RYR2: variants seen among roughly 807,000 people sequenced by gnomAD.
RYR2 encodes ryanodine receptor 2, also known as cardiac muscle ryanodine receptor-calcium release channel.
RYR2 carries 227 observed loss-of-function variants against 601.1 expected under a neutral mutation model. The ratio of observed to expected loss-of-function variants is 0.38; its 90% CI spans 0.34 to 0.42. The LOEUF is 0.42. RYR2 is among the 10% of genes least tolerant of loss of function. RYR2 has a pLI of 1.00. For synonymous variants in RYR2, 2,223 were observed against 2,175.1 expected, an observed-to-expected ratio of 1.02 and a Z score of -0.61; for missense variants, 4,646 against 6,156.5, an observed-to-expected ratio of 0.75 and a Z score of 8.21.
intron 1 of RYR2, among the ~76,000 whole-genome samples, chr1:237,083,702 T>C (rs61425842): frequency 0.17 from 25,414 of 152,050 alleles, 3,159 homozygotes; most frequent in African/African-American, 0.35. Flanking sequence ...CCTCTATTTC[T>C]CTGCCCCAAA....
intron 1 of RYR2, among the ~76,000 whole-genome samples, chr1:237,123,458 C>A (rs1276287795): frequency 6.6e-6 from 1 of 151,726 alleles, no homozygotes; most frequent in Non-Finnish European, 1.5e-5. Context: ...TGTGGTGGTG[C>A]GTGTCTGTAG....
intron 1 of RYR2, among the ~76,000 whole-genome samples, chr1:237,161,866 A>G (rs961082893): frequency 1.3e-5 from 2 of 152,218 alleles, no homozygotes; most frequent in East Asian, 1.9e-4. Flanking sequence ...CAGGTTTCAA[A>G]TAAAAGTCTA....
rs148023878 is a variant in RYR2, at chr1:237,283,340, C to A, written c.168+12724C>A. ...CTTTTTCTCTTTTTCTTCCTCCCTC[C>A]CACGCTCCTCTCTTTCAAGCAAAAT... is the stretch of plus-strand genomic sequence containing the variant. On this transcript the variant is annotated intron_variant, in intron 2 of 104. Coordinates refer to ENST00000366574, the MANE Select transcript of RYR2 (RefSeq NM_001035.3). 5.9e-5 allele frequency among the ~76,000 whole-genome samples: 9 copies of A among 152,196 alleles called. No individual in the cohort carries two copies. The East Asian group carries it at 1.5e-3, about 26-fold the overall frequency.
At chr1:237,406,337 T>G (rs1159440987) in intron 10 of RYR2, among the ~76,000 whole-genome samples, 1 of 151,220 alleles carries the variant, frequency 6.6e-6, no homozygotes, top group Non-Finnish European at 1.5e-5. Context: ...ATACAGGAAC[T>G]TTGGTGTTTT....
chr1:237,405,252 G>T (rs12047277), intron 10 of RYR2, among the ~76,000 whole-genome samples: 51,492 of 152,060 alleles, frequency 0.34, 9,519 homozygotes, highest in East Asian at 0.42. Flanking sequence ...GGATGCAACT[G>T]CCAGTGATGT....
rs1171107020 is a variant in RYR2 at position 237,436,451 on chromosome 1, T to A, written c.1006-4868T>A. ...AGAAGCCGAGGGATAATGTGTGATTTTCCTTTTTTTTTTTTTTTTTTTTTT... is the reference window on the plus strand; with the variant it reads ...AGAAGCCGAGGGATAATGTGTGATTATCCTTTTTTTTTTTTTTTTTTTTTT... On this transcript the variant is annotated intron_variant, in intron 12 of 104. Transcript: ENST00000366574. Among the ~76,000 whole-genome samples, 2 of 130,120 alleles carry A rather than the reference T, an allele frequency of 1.5e-5. 1 individual carries two copies. The highest frequency in any genetic ancestry group is 4.6e-4 in the East Asian group (2 of 4,372). 85.4% of individuals were successfully genotyped at this position (130,120 alleles called of 152,430 possible).
In RYR2 at chr1:237,536,903, A is replaced by G. The variant is rs569516364; in HGVS notation, c.2906+6393A>G. 3.1e-4 allele frequency among the ~76,000 whole-genome samples: 47 copies of G among 152,118 alleles called. 1 individual carries two copies. The South Asian group carries it at 8.7e-3, about 28-fold the overall frequency. Reference sequence around the variant, plus strand: ...TCCATCTCAAAAAAAAAAGACTTGCAGAACAATATCAAGAACTCCTAAAAA... The same window carrying G: ...TCCATCTCAAAAAAAAAAGACTTGCGGAACAATATCAAGAACTCCTAAAAA... On this transcript the variant is annotated intron_variant, in intron 25 of 104. Coordinates refer to ENST00000366574, the MANE Select transcript of RYR2 (RefSeq NM_001035.3).
chr1:237,506,162 C>CT (rs35038087), intron 22 of RYR2, among the ~76,000 whole-genome samples: 40 of 142,316 alleles, frequency 2.8e-4, no homozygotes, highest in East Asian at 8.1e-4. Flanking sequence ...ACCAACACTC[C>CT]TTTTTTTTTT....
At chr1:237,479,541 T>C (rs1377037116) in intron 17 of RYR2, among the ~76,000 whole-genome samples, 2 of 152,060 alleles carry the variant, frequency 1.3e-5, no homozygotes, top group Non-Finnish European at 2.9e-5. Flanking sequence ...TCAATAAATA[T>C]TTGCTGCTTT....
intron 5 of RYR2, among the ~76,000 whole-genome samples, chr1:237,368,482 C>G (rs1008947148): frequency 3.2e-4 from 49 of 152,180 alleles, no homozygotes; most frequent in African/African-American, 1.2e-3. Flanking sequence ...GAAGATGAGG[C>G]TAGAGATGAG....
chr1:237,493,017 C>T lies in RYR2; in HGVS notation c.1891C>T (p.Leu631Phe), dbSNP rs1663586686. The T allele has an allele frequency of 6.2e-7, 1 of 1,612,386 alleles. No individual in the cohort carries two copies. The highest frequency in any genetic ancestry group is 8.5e-7 in the Non-Finnish European group (1 of 1,179,258). Residue 631 changes from leucine (L) to phenylalanine (F), a missense_variant, in exon 19 of 105, where the codon CTC becomes TTC. Coordinates refer to ENST00000366574, the MANE Select transcript of RYR2 (RefSeq NM_001035.3). ...GGTTGCAGTCCGTTCTAACCAGCATCTCATCTGTGACAATCTCCTACCAGG... is the reference window on the plus strand; with the variant it reads ...GGTTGCAGTCCGTTCTAACCAGCATTTCATCTGTGACAATCTCCTACCAGG... ...HGVAVRSNQH[L>F]ICDNLLPGRD...
chr1:237,688,397 C>T (rs565297712), intron 63 of RYR2, among the ~76,000 whole-genome samples: 44 of 151,632 alleles, frequency 2.9e-4, no homozygotes, highest in Admixed American at 9.9e-4. Context: ...AACTGAGGAA[C>T]GGGTATATAT....
Position 237,589,819 on chromosome 1 carries a change from G to A in RYR2, c.3625G>A (p.Val1209Met), listed in dbSNP as rs794728733. 1.2e-6 allele frequency: 2 copies of A among 1,613,808 alleles called. No individual in the cohort carries two copies. The highest frequency in any genetic ancestry group is 1.7e-6 in the Non-Finnish European group (2 of 1,179,846). ...DGFIPVCSLG[V>M]AQVGRMNFGK... is the part of the protein sequence containing the mutation. ...ATTCATACCTGTGTGTAGCCTTGGA[G>A]TGGCTCAAGTGGGTAGGATGAACTT... The change falls in exon 30 of 105, where the codon GTG becomes ATG. Residue 1209 changes from valine to methionine, a missense_variant. Val to Met is a conservative substitution (Grantham distance 21, BLOSUM62 1). Transcript: ENST00000366574.
intron 8 of RYR2, among the ~76,000 whole-genome samples, chr1:237,379,639 T>C (rs568163866): frequency 6.6e-6 from 1 of 152,208 alleles, no homozygotes; most frequent in Non-Finnish European, 1.5e-5. Context: ...TTTATTTTAT[T>C]TATTTTTTGA....
At chr1:237,448,758 T>C (rs1430581893) in intron 14 of RYR2, among the ~76,000 whole-genome samples, 1 of 152,108 alleles carries the variant, frequency 6.6e-6, no homozygotes, top group African/African-American at 2.4e-5. Context: ...TAATATTCTT[T>C]TCTATGACAT....
chr1:237,291,181 A>C (rs1163893888), intron 2 of RYR2, among the ~76,000 whole-genome samples: 1 of 152,144 alleles, frequency 6.6e-6, no homozygotes, highest in Non-Finnish European at 1.5e-5. Context: ...TCATGAAAAC[A>C]TGCACATACG....
At chr1:237,089,385 T>C (rs1326512984) in intron 1 of RYR2, among the ~76,000 whole-genome samples, 2 of 152,244 alleles carry the variant, frequency 1.3e-5, no homozygotes, top group African/African-American at 4.8e-5. Flanking sequence ...TATACTGTTT[T>C]ATTCCTTTTG....
rs760283753 is a variant in RYR2 at position 237,792,138 on chromosome 1, C to T, written c.13597C>T (p.Leu4533Phe). Reference sequence around the variant, plus strand: ...TTCTTCTGTGGTTGAAGGAAAGGAGCTCCCCACGAGAAGTTCAAGTGAAAA... The same window carrying T: ...TTCTTCTGTGGTTGAAGGAAAGGAGTTCCCCACGAGAAGTTCAAGTGAAAA... ...STSSVVEGKELPTRSSSENAK... is the reference protein window; with the variant it reads ...STSSVVEGKEFPTRSSSENAK... The change falls in exon 94 of 105, where the codon CTC becomes TTC. Residue 4533 changes from leucine (L) to phenylalanine (F), a missense_variant. Coordinates refer to ENST00000366574, the MANE Select transcript of RYR2 (RefSeq NM_001035.3). The T allele has an allele frequency of 1.2e-5, 20 of 1,605,886 alleles. No individual in the cohort carries two copies. Among genetic ancestry groups the T allele is most frequent in the Non-Finnish European group, 1.6e-5 (19 of 1,176,164 alleles).
At chr1:237,438,842 T>C (rs1344203602) in intron 12 of RYR2, among the ~76,000 whole-genome samples, 1 of 152,246 alleles carries the variant, frequency 6.6e-6, no homozygotes, top group African/African-American at 2.4e-5. Flanking sequence ...TTCAATTTCT[T>C]CCTGCTTTTG....
Sources: gnomAD v4.1 joint callset for allele counts (sites outside exome capture counted in the v4.1 genomes callset) on GRCh38, gnomAD v4.1.1 for gene constraint, MANE v1.5 for transcripts, NCBI Gene and HGNC (gene_info 2026-07-23, HGNC 2026-07-21) for gene names.